EML4: variants seen among roughly 807,000 people sequenced by gnomAD.
EML4 encodes the protein EMAP like 4, also known as echinoderm microtubule-associated protein-like 4.
EML4 carries 72 observed loss-of-function variants against 129.0 expected under a neutral mutation model. The ratio of observed to expected loss-of-function variants is 0.56; its 90% CI spans 0.46 to 0.68. The LOEUF is 0.68. Among genes scored for constraint, EML4 ranks in the 30% least tolerant of loss-of-function variants. EML4 has a pLI of 0.00. For synonymous variants in EML4, 532 were observed against 405.0 expected (o/e 1.31, Z -3.77); for missense variants, 1,363 against 1,190.6 (o/e 1.14, Z -2.13).
At position 42,256,543 on chromosome 2, in the gene EML4, C is replaced by T; in HGVS notation, c.251C>T (p.Thr84Ile). Residue 84 changes from threonine to isoleucine, a missense_variant, in exon 3 of 23, where the codon ACC becomes ATC. By Grantham distance (89) the Thr-to-Ile change is moderately conservative (BLOSUM62 -1). Coordinates refer to ENST00000318522, the MANE Select transcript of EML4 (RefSeq NM_019063.5). ...PRAVIPMSCI[T>I]NGSGANRKPS... is the part of the protein sequence containing the mutation. ...GCAGTTATTCCCATGTCCTGTATAA[C>T]CAATGGAAGTGGTGCAAACAGAAAA... is the stretch of plus-strand genomic sequence containing the variant. 1 of 1,613,528 alleles carries T rather than the reference C, an allele frequency of 6.2e-7. No homozygotes were observed.
intron 1 of EML4, among the ~76,000 whole-genome samples, chr2:42,223,200 T>C (rs77743483): frequency 4.9e-4 from 74 of 152,250 alleles, no homozygotes; most frequent in African/African-American, 1.6e-3. Flanking sequence ...AGGTTTATAG[T>C]TCCCTCTCTC....
intron 11 of EML4, 150 bp from the exon 12 acceptor site, chr2:42,294,975 T>C (rs1046451753): frequency 1.6e-6 from 1 of 626,598 alleles, no homozygotes. Context: ...AAAAATACAT[T>C]ATCAAAATTT....
At chr2:42,313,698 C>T (rs748957358) in intron 17 of EML4, among the ~76,000 whole-genome samples, 1 of 152,044 alleles carries the variant, frequency 6.6e-6, no homozygotes, top group Non-Finnish European at 1.5e-5. Flanking sequence ...GAGGACAAGG[C>T]GAGGGGATCA....
chr2:42,302,536 CTTT>C (rs765657314), intron 14 of EML4, among the ~76,000 whole-genome samples: 4 of 141,650 alleles, frequency 2.8e-5, no homozygotes, highest in Non-Finnish European at 3.1e-5. Flanking sequence ...GAACTTACTT[CTTT>C]TTTTTTTTTT....
intron 1 of EML4, among the ~76,000 whole-genome samples, chr2:42,183,029 T>G (rs2719128): frequency 0.46 from 70,120 of 151,896 alleles, 16,766 homozygotes; most frequent in East Asian, 0.74. Context: ...GGTGGTGCAC[T>G]CCTGTGATAC....
intron 6 of EML4, among the ~76,000 whole-genome samples, chr2:42,270,856 A>G (rs1336928644): frequency 1.3e-5 from 2 of 152,200 alleles, no homozygotes; most frequent in African/African-American, 2.4e-5. Context: ...AGACCAATGC[A>G]TTTCCAGTGG....
chr2:42,198,686 G>T (rs1672040034), intron 1 of EML4, among the ~76,000 whole-genome samples: 1 of 152,254 alleles, frequency 6.6e-6, no homozygotes, highest in Non-Finnish European at 1.5e-5. Flanking sequence ...GGAGGTGGTG[G>T]AATTGAAAGC....
rs1460331959 is a variant in EML4 at position 42,280,910 on chromosome 2, A to T, written c.728A>T (p.Asp243Val). 6.2e-7 allele frequency: 1 copy of T among 1,612,726 alleles called. No individual in the cohort carries two copies. Among genetic ancestry groups the T allele is most frequent in the Admixed American group, 1.7e-5 (1 of 59,876 alleles). Residue 243 changes from aspartate (D) to valine (V), a missense_variant, in exon 7 of 23, where the codon GAT (aspartate) becomes GTT (valine). Asp to Val is a radical substitution (Grantham distance 152, BLOSUM62 -3). Transcript: ENST00000318522. ...CCAATTACCATGTTCATTCCTTCCG[A>T]TGTTGACAACTATGATGACATCAGA... ...GRPITMFIPS[D>V]VDNYDDIRTE...
At position 42,256,503 on chromosome 2, in the gene EML4, C is replaced by A; in HGVS notation, c.211C>A (p.Gln71Lys). ...SVKKSVSSKG[Q>K]PSPRAVIPMS... ...TTTTTTTCCTTAATTATCTTTAGGC[C>A]AACCAAGCCCTCGAGCAGTTATTCC... Residue 71 changes from glutamine (Q) to lysine (K), a missense_variant and splice_region_variant, in exon 3 of 23, where the codon CAA becomes AAA. Gln to Lys is a moderately conservative substitution (Grantham distance 53). Coordinates refer to ENST00000318522, the MANE Select transcript of EML4 (RefSeq NM_019063.5). 6.3e-7 allele frequency: 1 copy of A among 1,588,916 alleles called. No homozygotes were observed. Among genetic ancestry groups the A allele is most frequent in the African/African-American group, 1.4e-5 (1 of 73,916 alleles).
chr2:42,293,026 C>T (rs960397879), intron 11 of EML4, among the ~76,000 whole-genome samples: 2 of 151,990 alleles, frequency 1.3e-5, no homozygotes, highest in Non-Finnish European at 2.9e-5. Flanking sequence ...CTTAGACTTG[C>T]TAAATATGTA....
At chr2:42,211,439 C>T (rs1316778004) in intron 1 of EML4, among the ~76,000 whole-genome samples, 1 of 152,176 alleles carries the variant, frequency 6.6e-6, no homozygotes, top group African/African-American at 2.4e-5. Context: ...ACATTATCTA[C>T]AGAACAATGA....
chr2:42,245,736 C>A, intron 2 of EML4, 49 bp downstream of exon 2: 1 of 1,480,930 alleles, frequency 6.8e-7, no homozygotes, highest in Non-Finnish European at 9.0e-7. Flanking sequence ...GCAATATTTT[C>A]TTTGAAAGTT....
At chr2:42,233,009 G>T (rs533841174) in intron 1 of EML4, among the ~76,000 whole-genome samples, 1 of 152,078 alleles carries the variant, frequency 6.6e-6, no homozygotes, top group South Asian at 2.1e-4. Context: ...GGTGTGAGCC[G>T]CTGTGCCTGG....
rs185358587 is a variant in EML4, at chr2:42,220,070, T to A, written c.26-25435T>A. On this transcript the variant is annotated intron_variant, in intron 1 of 22. Coordinates refer to ENST00000318522, the MANE Select transcript of EML4 (RefSeq NM_019063.5). Reference sequence around the variant, plus strand: ...TGTTGCTGCACATTATTTTCACTCATAGTGTATGTCATAGATCATTGGAAA... The same window carrying A: ...TGTTGCTGCACATTATTTTCACTCAAAGTGTATGTCATAGATCATTGGAAA... Among the ~76,000 whole-genome samples, 4 of 152,190 alleles carry A rather than the reference T, an allele frequency of 2.6e-5. No individual in the cohort carries two copies. In the East Asian group the frequency reaches 7.7e-4, roughly 29 times the overall value.
intron 1 of EML4, among the ~76,000 whole-genome samples, chr2:42,242,655 C>T (rs1251294818): frequency 6.6e-6 from 1 of 151,850 alleles, no homozygotes; most frequent in Admixed American, 6.6e-5. Context: ...TCCTTCCTCC[C>T]TCCCTCTCTC....
At chr2:42,316,131 C>G in intron 18 of EML4, 81 bp downstream of exon 18, 1 of 931,478 alleles carries the variant, frequency 1.1e-6, no homozygotes, top group Non-Finnish European at 1.7e-6. Flanking sequence ...TCTAATAAGG[C>G]TGACTACTTT....
chr2:42,254,474 CTAAGAAAG>C (rs1157655036), intron 2 of EML4, among the ~76,000 whole-genome samples: 2 of 148,620 alleles, frequency 1.3e-5, no homozygotes, highest in African/African-American at 5.0e-5. Context: ...AAAAAAAAGA[CTAAGAAAG>C]AAGAAAAAAC....
intron 1 of EML4, among the ~76,000 whole-genome samples, chr2:42,238,713 C>T (rs1007696767): frequency 2.4e-4 from 36 of 152,036 alleles, no homozygotes; most frequent in African/African-American, 8.5e-4. Context: ...GAACTGGGCT[C>T]AGACAATTCT....
intron 4 of EML4, 80 bp downstream of exon 4, chr2:42,261,374 A>C (rs1665723917): frequency 1.2e-5 from 16 of 1,292,480 alleles, no homozygotes; most frequent in South Asian, 2.0e-5. Context: ...AAAGTTAGCT[A>C]TCCAAGGATT....
Sources: gnomAD v4.1 joint callset for allele counts (sites outside exome capture counted in the v4.1 genomes callset) on GRCh38, gnomAD v4.1.1 for gene constraint, MANE v1.5 for transcripts, NCBI Gene and HGNC (gene_info 2026-07-23, HGNC 2026-07-21) for gene names.